RUNX1T1: variants seen among roughly 807,000 people sequenced by gnomAD.
RUNX1T1 encodes protein CBFA2T1.
RUNX1T1 carries 4 observed loss-of-function variants against 62.8 expected under a neutral mutation model. The ratio of observed to expected loss-of-function variants is 0.06; its 90% CI spans 0.03 to 0.15. RUNX1T1 has a LOEUF of 0.15. Ranked by LOEUF, RUNX1T1 falls within the 10% of genes least tolerant of loss-of-function variation. The probability of loss-of-function intolerance (pLI) is 1.00; values close to 1 mark genes in which losing one functional copy is unlikely to be tolerated. For synonymous variants in RUNX1T1, 291 were observed against 286.0 expected (o/e 1.02, Z -0.18); for missense variants, 508 against 754.3 (o/e 0.67, Z 3.82).
At chr8:92,102,932 G>A (rs1175458869), upstream of RUNX1T1, 22 of 1,505,520 alleles carry the variant, frequency 1.5e-5, no homozygotes, top group East Asian at 2.7e-5. This position sits in a 1 kb window ranked among gnomAD's most constrained non-coding sequence, Gnocchi z 4.5. Context: ...CGTCTCGGCC[G>A]GCCCGCGGGG....
chr8:92,011,985 C>A (rs187405777), intron 3 of RUNX1T1, among the ~76,000 whole-genome samples: 5 of 152,264 alleles, frequency 3.3e-5, no homozygotes, highest in Non-Finnish European at 2.9e-5. Context: ...CTTCTTCAGT[C>A]CCTTCAATAA....
At chr8:92,089,922 A>AT (rs1243286046) in intron 1 of RUNX1T1, among the ~76,000 whole-genome samples, 3 of 104,950 alleles carry the variant, frequency 2.9e-5, no homozygotes, top group African/African-American at 6.4e-5. Flanking sequence ...CAATCCCTGA[A>AT]TTTAAAAAAA....
chr8:92,005,166 T>C, exon 5 of RUNX1T1: 2 of 1,613,944 alleles, frequency 1.2e-6, no homozygotes, highest in Non-Finnish European at 1.7e-6. Context: ...GAAGCAGCTC[T>C]GAGGAGTCAA....
At chr8:91,996,845 G>A (rs1818792056) in intron 5 of RUNX1T1, among the ~76,000 whole-genome samples, 1 of 151,880 alleles carries the variant, frequency 6.6e-6, no homozygotes, top group Non-Finnish European at 1.5e-5. Flanking sequence ...CATGAGGCTG[G>A]ACGCAGTGGC....
rs908519531 is a variant in RUNX1T1 at position 91,976,168 on chromosome 8, CAG to C, written c.1199-197_1199-196del. ...GCCTGTCATCAGAGCCCAAGGAAAA[CAG>C]AGGGTCATTGGTCTAAATGCCATGC... On this transcript the variant is annotated intron_variant, in intron 8 of 10. Coordinates refer to ENST00000396218, the Ensembl canonical transcript of RUNX1T1. 3 of 536,834 alleles carry C rather than the reference CAG, an allele frequency of 5.6e-6. No individual in the cohort carries two copies. In the East Asian group the frequency reaches 9.0e-5, roughly 16 times the overall value. The allele number at this position is 536,834 out of a possible 1,614,324, so 33.3% of individuals were successfully genotyped here. A position where few individuals can be genotyped will look rare whatever the true frequency, so the allele number is the denominator to read the frequency against.
At chr8:92,017,778 T>C in intron 1 of RUNX1T1, 1 of 321,356 alleles carries the variant, frequency 3.1e-6, no homozygotes. Context: ...GGTGAGATAC[T>C]GGTAGGAGCC....
At chr8:91,999,699 A>C (rs1182905012) in intron 5 of RUNX1T1, among the ~76,000 whole-genome samples, 4 of 152,206 alleles carry the variant, frequency 2.6e-5, no homozygotes, top group Non-Finnish European at 5.9e-5. Flanking sequence ...TCTGTCAATT[A>C]TTTAGCACAG....
At chr8:92,020,629 C>T (rs1028559105) in intron 1 of RUNX1T1, among the ~76,000 whole-genome samples, 2 of 152,044 alleles carry the variant, frequency 1.3e-5, no homozygotes, top group African/African-American at 4.8e-5. Flanking sequence ...TCTACCTTAG[C>T]GATTCATACT....
intron 1 of RUNX1T1, among the ~76,000 whole-genome samples, chr8:92,081,467 T>G (rs1213956633): frequency 6.7e-6 from 1 of 149,970 alleles, no homozygotes; most frequent in African/African-American, 2.4e-5. Flanking sequence ...CCAAAATATG[T>G]GGAATTAAGC....
intron 6 of RUNX1T1, among the ~76,000 whole-genome samples, chr8:91,990,071 G>C (rs1177095886): frequency 6.6e-6 from 1 of 151,884 alleles, no homozygotes; most frequent in African/African-American, 2.4e-5. Flanking sequence ...GTTGGGTGTA[G>C]AAAGGTAAAA....
At chr8:92,053,469 T>G (rs925105602) in intron 1 of RUNX1T1, among the ~76,000 whole-genome samples, 4 of 152,130 alleles carry the variant, frequency 2.6e-5, no homozygotes, top group African/African-American at 9.7e-5. Flanking sequence ...CAAAAGCCCT[T>G]TGTTTCTAAT....
At chr8:92,087,368 AC>A (rs1836289727) in intron 1 of RUNX1T1, among the ~76,000 whole-genome samples, 1 of 134,392 alleles carries the variant, frequency 7.4e-6, no homozygotes, top group African/African-American at 3.0e-5. Flanking sequence ...TTCTCTCTCC[AC>A]CCCTACTCCA....
chr8:91,994,617 TATTCATCTGTAA>T (rs1275073217), intron 5 of RUNX1T1: 3 of 499,194 alleles, frequency 6.0e-6, no homozygotes, highest in Non-Finnish European at 1.2e-5. Context: ...GACCTCAGTT[TATTCATCTGTAA>T]AATGAAAGGG....
intron 4 of RUNX1T1, chr8:92,009,923 C>T (rs900067519): frequency 1.8e-4 from 27 of 152,138 alleles, no homozygotes; most frequent in Admixed American, 1.2e-3. Flanking sequence ...ACTCACAAAG[C>T]AGAATATTTC....
chr8:91,960,176 CT>C (rs1810106615), exon 11 of RUNX1T1: 1 of 1,512,812 alleles, frequency 6.6e-7, no homozygotes, highest in African/African-American at 1.4e-5. Context: ...CTTTGAGCAT[CT>C]GAGGATGAGG....
intron 1 of RUNX1T1, among the ~76,000 whole-genome samples, chr8:92,094,481 TGTA>T (rs751895801): frequency 5.9e-5 from 9 of 152,164 alleles, no homozygotes; most frequent in Admixed American, 6.5e-5. Flanking sequence ...CTAACAGACT[TGTA>T]GTGATTTTTT....
At chr8:91,978,103 TAGTC>T (rs1814384305) in intron 8 of RUNX1T1, among the ~76,000 whole-genome samples, 2 of 152,108 alleles carry the variant, frequency 1.3e-5, no homozygotes, top group African/African-American at 2.4e-5. Context: ...TTTTATTAAA[TAGTC>T]AATCATTATG....
intron 1 of RUNX1T1, among the ~76,000 whole-genome samples, chr8:92,035,770 CAT>C (rs10608050): frequency 0.23 from 34,678 of 148,558 alleles, 4,114 homozygotes; most frequent in African/African-American, 0.3. Context: ...GAAATATCTG[CAT>C]ATATATATAT....
chr8:92,024,331 A>C (rs912944166), intron 1 of RUNX1T1, among the ~76,000 whole-genome samples: 2 of 151,964 alleles, frequency 1.3e-5, no homozygotes, highest in Non-Finnish European at 2.9e-5. Flanking sequence ...CAACATGGTA[A>C]AGCCCTGTCT....
Sources: allele counts gnomAD v4.1 joint callset (sites outside exome capture counted in the v4.1 genomes callset), GRCh38; gene constraint gnomAD v4.1.1; non-coding constraint Gnocchi (gnomAD v3.1); transcripts MANE v1.5; gene names NCBI Gene and HGNC (gene_info 2026-07-23, HGNC 2026-07-21).